Variants in A1CF observed in about 807,000 individuals in gnomAD.
A1CF encodes the protein APOBEC-1 stimulating protein.
A1CF carries 48 observed loss-of-function variants against 68.9 expected under a neutral mutation model. The observed-to-expected ratio is 0.70, with a 90% CI of 0.55 to 0.89. A1CF has a LOEUF of 0.89. A1CF is among the 40% of genes least tolerant of loss of function. A1CF has a pLI of 0.00. For missense variants in A1CF, 653 were observed against 718.9 expected (o/e 0.91, Z 1.05); for synonymous variants, 272 against 260.4 (o/e 1.04, Z -0.43).
chr10:50,877,502 T>TA (rs1199323560), intron 1 of A1CF, among the ~76,000 whole-genome samples: 1 of 152,172 alleles, frequency 6.6e-6, no homozygotes, highest in Non-Finnish European at 1.5e-5. Context: ...AGTGAAGCTT[T>TA]AAAAAATCCA....
At chr10:50,828,521 G>A (rs1588987893) in intron 6 of A1CF, 1 of 359,856 alleles carries the variant, frequency 2.8e-6, no homozygotes, top group Non-Finnish European at 5.0e-6. Flanking sequence ...CGATTATAAA[G>A]GGAACCAGGA....
rs1837654535 is a variant in A1CF, at chr10:50,802,772, C to G, written c.*3957G>C. 1 of 152,106 alleles carries G rather than the reference C, an allele frequency of 6.6e-6. No homozygotes were observed. The highest frequency in any genetic ancestry group is 2.4e-5 in the African/African-American group (1 of 41,428). The allele number at this position is 152,106 out of a possible 1,614,324, so 9.4% of individuals were successfully genotyped here. On this transcript the variant is annotated 3_prime_UTR_variant, in exon 13 of 13. Transcript: ENST00000373997. Reference sequence around the variant, plus strand: ...TACCCCGAATATTAACTTGATTGCCCTTTATTCTACAAATGGCACACCTAA... The same window carrying G: ...TACCCCGAATATTAACTTGATTGCCGTTTATTCTACAAATGGCACACCTAA...
chr10:50,812,798 C>T (rs574078219), intron 10 of A1CF, among the ~76,000 whole-genome samples: 8 of 152,128 alleles, frequency 5.3e-5, no homozygotes, highest in Admixed American at 2.6e-4. Flanking sequence ...GCACCTAGCG[C>T]ACTACATGGT....
rs772392502 is a variant in A1CF at position 50,800,481 on chromosome 10, G to A, written c.*6248C>T. 6.6e-6 allele frequency: 1 copy of A among 152,150 alleles called. No homozygotes were observed. The highest frequency in any genetic ancestry group is 6.6e-5 in the Admixed American group (1 of 15,264). The allele number at this position is 152,150 out of a possible 1,614,324, so 9.4% of individuals were successfully genotyped here. A position where few individuals can be genotyped will look rare whatever the true frequency, so the allele number is the denominator to read the frequency against. On this transcript the variant is annotated 3_prime_UTR_variant, in exon 13 of 13. Transcript: ENST00000373997. ...TTCTAAGTGGCAAAACCTATCAGGT[G>A]TTGCAATTATATTCAATTTTGAAAA...
At chr10:50,875,110 A>T (rs1285780551) in intron 1 of A1CF, among the ~76,000 whole-genome samples, 1 of 152,214 alleles carries the variant, frequency 6.6e-6, no homozygotes, top group Non-Finnish European at 1.5e-5. Context: ...CCATATACTC[A>T]CATAAAAAAT....
Position 50,844,072 on chromosome 10 carries a change from T to C in A1CF, c.150A>G (p.Ala50=), listed in dbSNP as rs757947160. 1.2e-6 allele frequency: 2 copies of C among 1,613,018 alleles called. No homozygotes were observed. Among genetic ancestry groups the C allele is most frequent in the African/African-American group, 2.7e-5 (2 of 74,808 alleles). The part of the protein sequence containing the change: ...YGGPPPGWDA[A]PPERGCEIFI... The stretch of plus-strand genomic sequence containing the variant: ...AAATTTCACAGCCCCTTTCAGGGGG[T>C]GCAGCATCCCAACCAGGTGGAGGGC... The change falls in exon 4 of 13, where the codon GCA becomes GCG. Residue 50 remains alanine, a synonymous_variant. Coordinates refer to ENST00000373997, the MANE Select transcript of A1CF (RefSeq NM_014576.4).
intron 12 of A1CF, among the ~76,000 whole-genome samples, chr10:50,808,019 G>C (rs922673366): frequency 6.6e-6 from 1 of 152,192 alleles, no homozygotes; most frequent in African/African-American, 2.4e-5. Flanking sequence ...CCAAGGATAG[G>C]AGACATGTGT....
In A1CF at chr10:50,806,716, T is replaced by G; in HGVS notation, c.*13A>C. 2 of 1,571,924 alleles carry G rather than the reference T, an allele frequency of 1.3e-6. No individual in the cohort carries two copies. Among genetic ancestry groups the G allele is most frequent in the African/African-American group, 2.8e-5 (2 of 72,568 alleles). On this transcript the variant is annotated 3_prime_UTR_variant, in exon 13 of 13. Transcript: ENST00000373997. Reference sequence around the variant, plus strand: ...GTTTTGTGTGTCTTATTCTTAAATTTAAAAAAGCATCTTCAGAAGGTGCCA... The same window carrying G: ...GTTTTGTGTGTCTTATTCTTAAATTGAAAAAAGCATCTTCAGAAGGTGCCA...
At chr10:50,831,632 GCAGGAGAAT>G (rs1839245777) in intron 6 of A1CF, among the ~76,000 whole-genome samples, 1 of 152,204 alleles carries the variant, frequency 6.6e-6, no homozygotes, top group Non-Finnish European at 1.5e-5. Context: ...GGAGGCTGAG[GCAGGAGAAT>G]CACTTGAACC....
At chr10:50,829,664 T>A (rs1262569675) in intron 6 of A1CF, among the ~76,000 whole-genome samples, 4 of 152,196 alleles carry the variant, frequency 2.6e-5, no homozygotes, top group Non-Finnish European at 5.9e-5. Context: ...GATAGTTTTC[T>A]TCATTACTCT....
intron 5 of A1CF, among the ~76,000 whole-genome samples, chr10:50,839,489 A>G (rs183088701): frequency 2.0e-5 from 3 of 152,308 alleles, no homozygotes; most frequent in Non-Finnish European, 2.9e-5. Context: ...TTAGGTGCCA[A>G]TGATAAAAGT....
At chr10:50,843,530 C>T (rs1203505900) in intron 4 of A1CF, among the ~76,000 whole-genome samples, 1 of 152,098 alleles carries the variant, frequency 6.6e-6, no homozygotes, top group Non-Finnish European at 1.5e-5. Context: ...TTTAGGTAGA[C>T]AAAAAATTCA....
intron 12 of A1CF, 73 bp from the exon 13 acceptor site, chr10:50,806,953 T>C (rs1289598742): frequency 8.9e-6 from 13 of 1,465,076 alleles, no homozygotes; most frequent in Admixed American, 4.3e-5. Context: ...TTGTCTTCTT[T>C]TAGAAATACG....
chr10:50,819,291 C>T (rs527586147), intron 8 of A1CF, among the ~76,000 whole-genome samples: 17 of 152,098 alleles, frequency 1.1e-4, no homozygotes, highest in African/African-American at 3.9e-4. Context: ...CTACCATGCT[C>T]GGCTAATTTT....
intron 1 of A1CF, among the ~76,000 whole-genome samples, chr10:50,872,569 T>C (rs555549117): frequency 1.2e-3 from 183 of 152,262 alleles, no homozygotes; most frequent in Non-Finnish European, 2.3e-3. Context: ...AGTGTTGCTG[T>C]GAAGAACACA....
At chr10:50,856,869 G>A in intron 3 of A1CF, among the ~76,000 whole-genome samples, 1 of 151,958 alleles carries the variant, frequency 6.6e-6, no homozygotes, top group East Asian at 1.9e-4. Context: ...GTAAAATAAA[G>A]ATTGGCCATA....
intron 7 of A1CF, chr10:50,822,834 C>A (rs1838740726): frequency 6.6e-6 from 1 of 152,168 alleles, no homozygotes. Flanking sequence ...TGACCTTCAC[C>A]TTTCCAGTCT....
intron 9 of A1CF, among the ~76,000 whole-genome samples, chr10:50,814,792 T>C (rs922670031): frequency 3.9e-5 from 6 of 152,208 alleles, no homozygotes; most frequent in African/African-American, 9.6e-5. Flanking sequence ...TTGTTTTTTT[T>C]CGACATCATA....
intron 1 of A1CF, among the ~76,000 whole-genome samples, chr10:50,883,276 T>C (rs1456569638): frequency 6.6e-6 from 1 of 152,138 alleles, no homozygotes; most frequent in Non-Finnish European, 1.5e-5. Flanking sequence ...ACCACATTTC[T>C]CTCCTTTGCT....
Sources: allele counts gnomAD v4.1 joint callset (sites outside exome capture counted in the v4.1 genomes callset), GRCh38; gene constraint gnomAD v4.1.1; transcripts MANE v1.5; gene names NCBI Gene and HGNC (gene_info 2026-07-23, HGNC 2026-07-21).